The following MSRA variants were observed in gnomAD, a reference collection of about 807,000 sequenced individuals.
The protein encoded by MSRA is methionine sulfoxide reductase A, also known as mitochondrial peptide methionine sulfoxide reductase.
A neutral mutation model predicts 31.3 loss-of-function variants in MSRA; 54 were observed. The observed-to-expected ratio is 1.73, with a 90% CI of 1.39 to 2.17. The LOEUF is 2.17. Among genes scored for constraint, MSRA ranks in the 30% most tolerant of loss-of-function variants. The probability of loss-of-function intolerance (pLI) is 0.00; values close to 1 mark genes in which losing one functional copy is unlikely to be tolerated. For synonymous variants in MSRA, 169 were observed against 116.5 expected, an observed-to-expected ratio of 1.45 and a Z score of -2.90; for missense variants, 507 against 300.9, an observed-to-expected ratio of 1.69 and a Z score of -5.07.
intron 3 of MSRA, among the ~76,000 whole-genome samples, chr8:10,299,713 A>G (rs1461375877): frequency 2.0e-5 from 3 of 152,204 alleles, no homozygotes; most frequent in South Asian, 2.1e-4. Context: ...TCTTCCAGCT[A>G]TGAATTGCTA....
intron 5 of MSRA, among the ~76,000 whole-genome samples, chr8:10,359,062 G>T (rs1200941330): frequency 6.6e-6 from 1 of 152,086 alleles, no homozygotes; most frequent in Non-Finnish European, 1.5e-5. Flanking sequence ...TGGAAAAATT[G>T]TCCATGGATT....
intron 1 of MSRA, among the ~76,000 whole-genome samples, chr8:10,156,551 T>A (rs1804166180): frequency 6.6e-6 from 1 of 152,196 alleles, no homozygotes; most frequent in South Asian, 2.1e-4. Context: ...AGGTTTGATA[T>A]TTTTGAAAAT....
At chr8:10,211,527 A>G (rs1335170828) in intron 2 of MSRA, among the ~76,000 whole-genome samples, 2 of 152,082 alleles carry the variant, frequency 1.3e-5, no homozygotes, top group Admixed American at 1.3e-4. Flanking sequence ...AAGCTGGAAA[A>G]GTGGAGCCAC....
intron 3 of MSRA, among the ~76,000 whole-genome samples, chr8:10,262,159 G>A (rs1417107191): frequency 6.6e-6 from 1 of 152,018 alleles, no homozygotes; most frequent in Non-Finnish European, 1.5e-5. Context: ...CCAGTTTTTG[G>A]CAATTATGAA....
At chr8:10,368,810 A>C (rs114035536) in intron 5 of MSRA, among the ~76,000 whole-genome samples, 1 of 152,200 alleles carries the variant, frequency 6.6e-6, no homozygotes, top group Admixed American at 6.5e-5. Context: ...ACATGCTTGT[A>C]CCTGTCTTGT....
At chr8:10,145,158 CA>C (rs1803034531) in intron 1 of MSRA, among the ~76,000 whole-genome samples, 1 of 152,182 alleles carries the variant, frequency 6.6e-6, no homozygotes, top group Non-Finnish European at 1.5e-5. Context: ...GGAGCTGAGT[CA>C]AACTCCAGGG....
At chr8:10,250,505 C>T in intron 3 of MSRA, 1 of 700,742 alleles carries the variant, frequency 1.4e-6, no homozygotes, top group Non-Finnish European at 2.6e-6. Flanking sequence ...AATCCAGAAG[C>T]ATGAAAGGAG....
At chr8:10,266,062 C>T (rs1281175103) in intron 3 of MSRA, among the ~76,000 whole-genome samples, 1 of 152,168 alleles carries the variant, frequency 6.6e-6, no homozygotes, top group Non-Finnish European at 1.5e-5. Flanking sequence ...TATTCATGTA[C>T]CAGTGTTTGT....
At chr8:10,363,221 T>C (rs1166690851) in intron 5 of MSRA, among the ~76,000 whole-genome samples, 5 of 152,246 alleles carry the variant, frequency 3.3e-5, no homozygotes, top group African/African-American at 1.2e-4. Flanking sequence ...AGAGCGATCC[T>C]GATCCAGCTC....
At chr8:10,260,389 G>C (rs748254418) in intron 3 of MSRA, among the ~76,000 whole-genome samples, 1 of 152,164 alleles carries the variant, frequency 6.6e-6, no homozygotes, top group Non-Finnish European at 1.5e-5. Context: ...AACAGGGAAG[G>C]AGCAAAGTTT....
At chr8:10,205,808 A>T (rs141551624) in intron 1 of MSRA, among the ~76,000 whole-genome samples, 24 of 152,292 alleles carry the variant, frequency 1.6e-4, no homozygotes, top group African/African-American at 4.6e-4. Context: ...ATTATAGTCT[A>T]TGTAGAAGTT....
intron 4 of MSRA, among the ~76,000 whole-genome samples, chr8:10,313,033 A>G (rs1490744521): frequency 2.0e-5 from 3 of 152,210 alleles, no homozygotes; most frequent in Non-Finnish European, 2.9e-5. Flanking sequence ...AGGAAAGAAT[A>G]CATGTATGCT....
chr8:10,254,862 AAAT>A (rs1267871871), intron 3 of MSRA, among the ~76,000 whole-genome samples: 1 of 152,268 alleles, frequency 6.6e-6, no homozygotes, highest in Non-Finnish European at 1.5e-5. Flanking sequence ...GGCTTATAAA[AAAT>A]AATCTAGAGA....
At chr8:10,163,636 T>C (rs1210979814) in intron 1 of MSRA, among the ~76,000 whole-genome samples, 1 of 152,228 alleles carries the variant, frequency 6.6e-6, no homozygotes, top group African/African-American at 2.4e-5. Context: ...GAAATCAGTA[T>C]GGCATTGGGT....
At chr8:10,224,946 C>A (rs1430828091) in intron 2 of MSRA, among the ~76,000 whole-genome samples, 1 of 152,200 alleles carries the variant, frequency 6.6e-6, no homozygotes, top group Admixed American at 6.5e-5. Flanking sequence ...CAAGACCAGC[C>A]TGGCCAGCAT....
At chr8:10,249,545 A>T (rs917688823) in intron 3 of MSRA, among the ~76,000 whole-genome samples, 1 of 152,146 alleles carries the variant, frequency 6.6e-6, no homozygotes, top group African/African-American at 2.4e-5. Context: ...TTCATTAAGC[A>T]CTGAACCAAT....
chr8:10,291,334 T>A (rs78539568), intron 3 of MSRA, among the ~76,000 whole-genome samples: 1 of 151,992 alleles, frequency 6.6e-6, no homozygotes, highest in Non-Finnish European at 1.5e-5. Flanking sequence ...TCCACCAGTA[T>A]TTTTTTTCTA....
chr8:10,306,362 T>TA (rs1452541985), intron 4 of MSRA, among the ~76,000 whole-genome samples: 6 of 152,236 alleles, frequency 3.9e-5, no homozygotes, highest in South Asian at 2.1e-4. Context: ...GTATTGTTGT[T>TA]ACGTCTTTTT....
intron 5 of MSRA, among the ~76,000 whole-genome samples, chr8:10,419,714 GGC>G (rs1262261334): frequency 6.6e-6 from 1 of 152,202 alleles, no homozygotes; most frequent in African/African-American, 2.4e-5. Context: ...GGAAGTTGGT[GGC>G]GCTTGGTGTT....
Sources: allele counts gnomAD v4.1 joint callset (sites outside exome capture counted in the v4.1 genomes callset), GRCh38; gene constraint gnomAD v4.1.1; transcripts MANE v1.5; gene names NCBI Gene and HGNC (gene_info 2026-07-23, HGNC 2026-07-21).